Variants in CALN1 observed in about 807,000 individuals in gnomAD.
CALN1 encodes the protein calcium-binding protein 8.
In CALN1, 17 loss-of-function variants were observed where a neutral mutation model predicts 30.6. That is an observed-to-expected ratio of 0.56 (90% confidence interval 0.38 to 0.83). CALN1 has a LOEUF of 0.83. Ranked by LOEUF, CALN1 falls within the 40% of genes least tolerant of loss-of-function variation. The pLI, the probability that CALN1 is intolerant of heterozygous loss-of-function variation, is 0.00. For missense variants in CALN1, 291 were observed against 354.9 expected (o/e 0.82, Z 1.45); for synonymous variants, 156 against 131.4 (o/e 1.19, Z -1.28).
intron 3 of CALN1, among the ~76,000 whole-genome samples, chr7:72,180,799 G>A (rs1789724453): frequency 6.6e-6 from 1 of 151,654 alleles, no homozygotes; most frequent in Admixed American, 6.6e-5. Flanking sequence ...AATCTTTGGA[G>A]TAAAGATTTG....
chr7:72,055,178 C>A (rs1803173262), intron 4 of CALN1, among the ~76,000 whole-genome samples: 1 of 152,058 alleles, frequency 6.6e-6, no homozygotes, highest in South Asian at 2.1e-4. Context: ...TGTCCTAAAT[C>A]AGGAAGTGGA....
intron 6 of CALN1, among the ~76,000 whole-genome samples, chr7:71,801,691 C>A (rs549555409): frequency 1.3e-5 from 2 of 152,062 alleles, no homozygotes; most frequent in East Asian, 3.9e-4. Context: ...AAAACACTTG[C>A]CATTGCTGGG....
At chr7:72,112,925 C>G (rs999746909) in intron 3 of CALN1, among the ~76,000 whole-genome samples, 2 of 152,118 alleles carry the variant, frequency 1.3e-5, no homozygotes, top group African/African-American at 4.8e-5. Flanking sequence ...TGGGGTTACG[C>G]TTGAATCTTT....
chr7:72,282,433 A>C (rs1281422554), intron 2 of CALN1, among the ~76,000 whole-genome samples: 1 of 152,170 alleles, frequency 6.6e-6, no homozygotes, highest in East Asian at 1.9e-4. Context: ...TAAGACTCTA[A>C]TGTGGTAGTA....
intron 3 of CALN1, among the ~76,000 whole-genome samples, chr7:72,232,161 G>A (rs1245362704): frequency 1.3e-5 from 2 of 152,180 alleles, no homozygotes; most frequent in Non-Finnish European, 2.9e-5. Flanking sequence ...TCAGCAGGGG[G>A]AGCAGAGAGG....
intron 1 of CALN1, among the ~76,000 whole-genome samples, chr7:72,407,149 A>C (rs1806753442): frequency 6.6e-6 from 1 of 152,196 alleles, no homozygotes; most frequent in Non-Finnish European, 1.5e-5. Context: ...GAACATCACT[A>C]ATCAAATTAG....
intron 3 of CALN1, among the ~76,000 whole-genome samples, chr7:72,204,642 G>C (rs118080053): frequency 6.6e-6 from 1 of 152,230 alleles, no homozygotes; most frequent in East Asian, 1.9e-4. Context: ...ATCTGTGCCT[G>C]TTTCCTCATG....
chr7:71,795,249 C>A (rs776504559), intron 6 of CALN1, among the ~76,000 whole-genome samples: 1 of 151,966 alleles, frequency 6.6e-6, no homozygotes, highest in Admixed American at 6.6e-5. Flanking sequence ...CTCGATCTCT[C>A]GACCTTGTGA....
At chr7:71,909,545 T>C (rs921873517) in intron 5 of CALN1, among the ~76,000 whole-genome samples, 39 of 152,142 alleles carry the variant, frequency 2.6e-4, no homozygotes, top group African/African-American at 8.7e-4. Context: ...TATTATCCAA[T>C]AATAATATTC....
At chr7:72,364,490 A>G (rs1191339749) in intron 2 of CALN1, among the ~76,000 whole-genome samples, 1 of 152,210 alleles carries the variant, frequency 6.6e-6, no homozygotes, top group Non-Finnish European at 1.5e-5. Flanking sequence ...AAATGTAGGA[A>G]GCTTCATAAG....
chr7:71,848,801 A>G (rs901966319), intron 5 of CALN1, among the ~76,000 whole-genome samples: 1 of 152,188 alleles, frequency 6.6e-6, no homozygotes, highest in African/African-American at 2.4e-5. Context: ...GATGATGCTG[A>G]AACTCTAACT....
intron 2 of CALN1, among the ~76,000 whole-genome samples, chr7:72,325,427 CCT>C (rs1285399782): frequency 2.6e-5 from 4 of 152,052 alleles, no homozygotes; most frequent in African/African-American, 9.7e-5. Context: ...ATAGGGAAAC[CCT>C]GTCTCTACTA....
chr7:72,397,112 T>C (rs926843437), intron 2 of CALN1, among the ~76,000 whole-genome samples: 1 of 152,048 alleles, frequency 6.6e-6, no homozygotes, highest in Non-Finnish European at 1.5e-5. Context: ...AGTCTCACTA[T>C]GTTGCCCAGG....
chr7:72,028,070 A>AC (rs1173719877), intron 4 of CALN1, among the ~76,000 whole-genome samples: 15 of 113,108 alleles, frequency 1.3e-4, no homozygotes, highest in South Asian at 3.4e-4. Flanking sequence ...AAAAAAAAAA[A>AC]AAAAAAAAAA....
intron 2 of CALN1, among the ~76,000 whole-genome samples, chr7:72,323,289 T>C (rs1801023029): frequency 6.6e-6 from 1 of 152,108 alleles, no homozygotes; most frequent in African/African-American, 2.4e-5. Flanking sequence ...AGGCATCTCA[T>C]GAAAAGGCAG....
chr7:72,171,575 T>C (rs1035260229), intron 3 of CALN1, among the ~76,000 whole-genome samples: 1 of 152,202 alleles, frequency 6.6e-6, no homozygotes, highest in African/African-American at 2.4e-5. Flanking sequence ...AAAACCTGTA[T>C]TATTTAGCCT....
At chr7:72,237,884 G>T (rs947580896) in intron 3 of CALN1, among the ~76,000 whole-genome samples, 11 of 152,202 alleles carry the variant, frequency 7.2e-5, no homozygotes, top group Non-Finnish European at 1.5e-4. Flanking sequence ...ATGGAAAATG[G>T]AAGTGCCTGC....
chr7:72,362,544 T>C (rs1356120179), intron 2 of CALN1, among the ~76,000 whole-genome samples: 2 of 152,158 alleles, frequency 1.3e-5, no homozygotes, highest in African/African-American at 4.8e-5. Flanking sequence ...GATCTCCAGG[T>C]AAAGATGCAA....
In CALN1 at chr7:71,810,502, T is replaced by C; in HGVS notation, c.502-10A>G. On this transcript the variant is annotated splice_polypyrimidine_tract_variant and intron_variant, in intron 5 of 6. Transcript: ENST00000395275. The stretch of plus-strand genomic sequence containing the variant: ...TCCTTTGCATGTCAAACTGTGGAGA[T>C]AAAGAGTAGTGAGATGGTCAGAAGC... The C allele has an allele frequency of 2.5e-6, 4 of 1,612,794 alleles. No individual in the cohort carries two copies. The highest frequency in any genetic ancestry group is 3.4e-6 in the Non-Finnish European group (4 of 1,179,204).
Sources: gnomAD v4.1 joint callset for allele counts (sites outside exome capture counted in the v4.1 genomes callset) on GRCh38, gnomAD v4.1.1 for gene constraint, MANE v1.5 for transcripts, NCBI Gene and HGNC (gene_info 2026-07-23, HGNC 2026-07-21) for gene names.